Variants in MYO9A observed in about 807,000 individuals in gnomAD.
The protein encoded by MYO9A is myosin IXA.
Under a neutral mutation model 293.3 loss-of-function variants are expected in MYO9A, and 103 were observed. That is an observed-to-expected ratio of 0.35 (90% confidence interval 0.30 to 0.41). The LOEUF (loss-of-function observed/expected upper bound fraction) is 0.41. Ranked by LOEUF, MYO9A falls within the 10% of genes least tolerant of loss-of-function variation. MYO9A has a pLI of 1.00. For missense variants in MYO9A, 2,685 were observed against 3,033.0 expected, an observed-to-expected ratio of 0.89 and a Z score of 2.69; for synonymous variants, 1,001 against 1,035.7, an observed-to-expected ratio of 0.97 and a Z score of 0.64.
intron 1 of MYO9A, among the ~76,000 whole-genome samples, chr15:72,090,024 G>A (rs905822869): frequency 6.6e-6 from 1 of 152,088 alleles, no homozygotes; most frequent in Admixed American, 6.6e-5. Context: ...AAGTATACAG[G>A]AATTGAAATT....
intron 39 of MYO9A, among the ~76,000 whole-genome samples, chr15:71,843,501 T>C (rs981856203): frequency 6.6e-6 from 1 of 152,178 alleles, no homozygotes; most frequent in East Asian, 1.9e-4. Flanking sequence ...TTGTTTGTTT[T>C]TGTTTAAGAC....
intron 1 of MYO9A, among the ~76,000 whole-genome samples, chr15:72,093,750 G>A (rs1350427280): frequency 1.1e-5 from 1 of 89,706 alleles, no homozygotes; most frequent in African/African-American, 2.6e-5. Flanking sequence ...AGCTGGGCAT[G>A]ACAGCAGGCA....
At chr15:71,925,295 GTACATATA>G (rs775698994) in intron 18 of MYO9A, among the ~76,000 whole-genome samples, 425 of 149,726 alleles carry the variant, frequency 2.8e-3, no homozygotes, top group Non-Finnish European at 4.9e-3. Flanking sequence ...ACACGTGTAT[GTACATATA>G]TACGTATATA....
At chr15:72,048,179 C>G (rs1487895658) in intron 1 of MYO9A, among the ~76,000 whole-genome samples, 1 of 151,858 alleles carries the variant, frequency 6.6e-6, no homozygotes, top group Non-Finnish European at 1.5e-5. Flanking sequence ...GCGGGCGGAT[C>G]ACCTGAGGTC....
At chr15:71,968,214 T>C (rs2075925422) in intron 12 of MYO9A, 89 bp from the exon 13 acceptor site, 1 of 1,108,768 alleles carries the variant, frequency 9.0e-7, no homozygotes, top group African/African-American at 1.6e-5. Flanking sequence ...TACATTACAA[T>C]TACATTGCCA....
chr15:71,945,885 A>G (rs1596256558), intron 15 of MYO9A, among the ~76,000 whole-genome samples: 1 of 152,220 alleles, frequency 6.6e-6, no homozygotes, highest in East Asian at 1.9e-4. Context: ...TATTCTTCAT[A>G]AAGTAGAGGA....
intron 13 of MYO9A, among the ~76,000 whole-genome samples, chr15:71,966,885 A>C (rs1273684327): frequency 6.6e-6 from 1 of 152,204 alleles, no homozygotes; most frequent in East Asian, 1.9e-4. Flanking sequence ...AGCCAAACTC[A>C]ACTTGGCTTA....
At chr15:71,904,855 T>C in intron 20 of MYO9A, 71 bp downstream of exon 20, 1 of 1,074,076 alleles carries the variant, frequency 9.3e-7, no homozygotes, top group Non-Finnish European at 1.4e-6. Context: ...CCACTTATTC[T>C]GCTTAAAAGT....
chr15:71,978,256 T>A lies in MYO9A; in HGVS notation c.1759A>T (p.Ile587Leu). The A allele has an allele frequency of 6.2e-7, 1 of 1,612,414 alleles. No individual in the cohort carries two copies. Among genetic ancestry groups the A allele is most frequent in the Non-Finnish European group, 8.5e-7 (1 of 1,179,194 alleles). The change falls in exon 12 of 42, where the codon ATA becomes TTA. Residue 587 changes from isoleucine to leucine, a missense_variant. Physicochemically the swap from Ile to Leu is conservative, Grantham distance 5. Coordinates refer to ENST00000356056, the MANE Select transcript of MYO9A (RefSeq NM_006901.4). The part of the protein sequence containing the change: ...YRTEGISWHN[I>L]DYIDNTCCIN... Reference sequence around the variant, plus strand: ...CAGCAGGTATTATCAATGTAATCTATGTTGTGCCAGCTGATACCTTCAGTT... The same window carrying A: ...CAGCAGGTATTATCAATGTAATCTAAGTTGTGCCAGCTGATACCTTCAGTT...
chr15:71,897,615 G>C lies in MYO9A; in HGVS notation c.4888C>G (p.Leu1630Val), dbSNP rs2057367176. Residue 1630 changes from leucine to valine, a missense_variant, in exon 25 of 42, where the codon CTG becomes GTG. Around this residue, in one of 10 missense-constraint regions of MYO9A, gnomAD observed 1,434 missense variants for 1,497.7 expected, o/e 0.96. Coordinates refer to ENST00000356056, the MANE Select transcript of MYO9A (RefSeq NM_006901.4). ...LSKTDRMGTQ[L>V]NVACKLSNNR... ...TTTGAGAGTTTACAGGCTACATTCA[G>C]CTGGGTGCCCATTCTGTCTGTCTTG... 1 of 1,614,168 alleles carries C rather than the reference G, an allele frequency of 6.2e-7. No homozygotes were observed. Among genetic ancestry groups the C allele is most frequent in the African/African-American group, 1.3e-5 (1 of 75,044 alleles).
chr15:71,886,241 G>A (rs1252921661), intron 27 of MYO9A, among the ~76,000 whole-genome samples: 3 of 149,128 alleles, frequency 2.0e-5, no homozygotes, highest in African/African-American at 7.3e-5. Context: ...AAGCTCTAGT[G>A]TGCCTTGGTG....
chr15:72,101,950 G>C (rs1399058417), intron 1 of MYO9A, among the ~76,000 whole-genome samples: 2 of 152,058 alleles, frequency 1.3e-5, no homozygotes, highest in Non-Finnish European at 2.9e-5. Flanking sequence ...GGGAAGTGAG[G>C]AGCCCCTCTG....
intron 12 of MYO9A, among the ~76,000 whole-genome samples, chr15:71,971,610 A>G (rs1272289564): frequency 1.3e-5 from 2 of 151,722 alleles, no homozygotes; most frequent in African/African-American, 2.4e-5. Flanking sequence ...AAAGAAAAAA[A>G]AAAAACAAAG....
chr15:72,052,694 G>A (rs1284882180), intron 1 of MYO9A, among the ~76,000 whole-genome samples: 2 of 152,172 alleles, frequency 1.3e-5, no homozygotes, highest in African/African-American at 4.8e-5. Flanking sequence ...AGCCATGGAA[G>A]CTGCTTGAGG....
chr15:71,947,324 T>C (rs1185698910), intron 15 of MYO9A, among the ~76,000 whole-genome samples: 1 of 152,094 alleles, frequency 6.6e-6, no homozygotes, highest in East Asian at 1.9e-4. Flanking sequence ...TACTTCCTTT[T>C]ACTTATTTGG....
rs778510415 is a variant in MYO9A, at chr15:71,825,626, G to GTC, written c.*952_*953dup. 4 of 152,178 alleles carry GTC rather than the reference G, an allele frequency of 2.6e-5. No individual in the cohort carries two copies. Among genetic ancestry groups the GTC allele is most frequent in the Non-Finnish European group, 5.9e-5 (4 of 68,022 alleles). The allele number at this position is 152,178 out of a possible 1,614,324, so 9.4% of individuals were successfully genotyped here. A position where few individuals can be genotyped will look rare whatever the true frequency, so the allele number is the denominator to read the frequency against. On this transcript the variant is annotated 3_prime_UTR_variant, in exon 42 of 42. Transcript: ENST00000356056. Reference sequence around the variant, plus strand: ...TATTTGTTTGTTTGTTTGAGTCTGAGTCTGTGGTGGGAATCCACCAGCAGA... The same window carrying GTC: ...TATTTGTTTGTTTGTTTGAGTCTGAGTCTCTGTGGTGGGAATCCACCAGCAGA...
intron 1 of MYO9A, among the ~76,000 whole-genome samples, chr15:72,102,512 A>G (rs537154371): frequency 6.6e-6 from 1 of 151,466 alleles, no homozygotes; most frequent in South Asian, 2.1e-4. Flanking sequence ...AAAAAAAAAA[A>G]AAAAGAAATA....
intron 22 of MYO9A, among the ~76,000 whole-genome samples, chr15:71,902,401 T>C (rs1220698209): frequency 6.6e-6 from 1 of 151,940 alleles, no homozygotes; most frequent in Admixed American, 6.6e-5. Flanking sequence ...ACAAATATAC[T>C]AGAATCAGAT....
chr15:71,937,053 G>C (rs1441051932), intron 16 of MYO9A, among the ~76,000 whole-genome samples: 1 of 142,384 alleles, frequency 7.0e-6, no homozygotes, highest in Non-Finnish European at 1.5e-5. Flanking sequence ...GGGAGGGAGG[G>C]AGAGGGAGGA....
Sources: gnomAD v4.1 joint callset for allele counts (sites outside exome capture counted in the v4.1 genomes callset) on GRCh38, gnomAD v4.1.1 for gene constraint, gnomAD v4.1.1 regional missense constraint, MANE v1.5 for transcripts, NCBI Gene and HGNC (gene_info 2026-07-23, HGNC 2026-07-21) for gene names.